CACNA2D1: variants seen among roughly 807,000 people sequenced by gnomAD.
CACNA2D1 encodes calcium voltage-gated channel auxiliary subunit alpha2delta 1, also known as voltage-dependent calcium channel subunit alpha-2/delta-1.
A neutral mutation model predicts 171.5 loss-of-function variants in CACNA2D1; 53 were observed. The observed-to-expected ratio is 0.31, with a 90% CI of 0.25 to 0.39. The LOEUF is 0.39. Among genes scored for constraint, CACNA2D1 ranks in the 10% least tolerant of loss-of-function variants. The pLI, the probability that CACNA2D1 is intolerant of heterozygous loss-of-function variation, is 1.00. For missense variants in CACNA2D1, 903 were observed against 1,299.8 expected (o/e 0.69, Z 4.69); for synonymous variants, 442 against 443.1 (o/e 1.00, Z 0.03).
At chr7:82,033,567 T>A (rs1802966920) in intron 11 of CACNA2D1, among the ~76,000 whole-genome samples, 2 of 152,066 alleles carry the variant, frequency 1.3e-5, no homozygotes, top group South Asian at 4.1e-4. Context: ...ATCCTAACAC[T>A]GGTCACCTAA....
At chr7:82,390,463 T>G (rs1227961179) in intron 1 of CACNA2D1, among the ~76,000 whole-genome samples, 3 of 152,118 alleles carry the variant, frequency 2.0e-5, no homozygotes, top group Non-Finnish European at 2.9e-5. Flanking sequence ...GGAGTTGAAA[T>G]AGGGTTGAAG....
At chr7:82,251,909 C>A (rs1048578607) in intron 3 of CACNA2D1, among the ~76,000 whole-genome samples, 2 of 152,022 alleles carry the variant, frequency 1.3e-5, no homozygotes, top group African/African-American at 4.8e-5. Flanking sequence ...AGTTATGAGT[C>A]GCAGAACTAC....
chr7:82,053,617 A>G lies in CACNA2D1; in HGVS notation c.879+6811T>C, dbSNP rs1053724385. 2.6e-5 allele frequency among the ~76,000 whole-genome samples: 4 copies of G among 152,300 alleles called. No homozygotes were observed. The East Asian group carries it at 7.7e-4, about 29-fold the overall frequency. ...ACTAGGAGCTGGGACCAGTAATACC[A>G]GGAGCTGAAACCAGTAATACGTATC... On this transcript the variant is annotated intron_variant, in intron 10 of 38. Coordinates refer to ENST00000356860, the MANE Select transcript of CACNA2D1 (RefSeq NM_000722.4).
chr7:82,103,791 C>T (rs1812982961), intron 6 of CACNA2D1, among the ~76,000 whole-genome samples: 1 of 152,004 alleles, frequency 6.6e-6, no homozygotes, highest in African/African-American at 2.4e-5. Flanking sequence ...TTTAACTCCC[C>T]AACCCGAATA....
intron 38 of CACNA2D1, among the ~76,000 whole-genome samples, chr7:81,952,684 G>A (rs1270964862): frequency 1.3e-5 from 2 of 151,950 alleles, no homozygotes; most frequent in Non-Finnish European, 2.9e-5. Flanking sequence ...TCTCTAAAAT[G>A]TTAGACTTTT....
At chr7:82,208,391 T>C (rs192692053) in intron 3 of CACNA2D1, among the ~76,000 whole-genome samples, 7 of 152,220 alleles carry the variant, frequency 4.6e-5, no homozygotes, top group African/African-American at 1.7e-4. Flanking sequence ...TCAGGCTGAT[T>C]GTTCAATTTA....
chr7:81,971,791 A>C lies in CACNA2D1; in HGVS notation c.2127T>G (p.Ser709Arg). Residue 709 changes from serine (S) to arginine (R), a missense_variant, in exon 26 of 39, where the codon AGT (serine) becomes AGG (arginine). Around this residue, in one of 5 missense-constraint regions of CACNA2D1, gnomAD observed 623 missense variants for 925.5 expected, o/e 0.67. Transcript: ENST00000356860. The stretch of plus-strand genomic sequence containing the variant: ...CAAATACTTACATATTTTTCTGCTT[A>C]CTCCAGTAATTTTGGACAAGTTCAT... The part of the protein sequence containing the change: ...FTNELVQNYW[S>R]KQKNIKGVKA... 1 of 1,585,422 alleles carries C rather than the reference A, an allele frequency of 6.3e-7. No individual in the cohort carries two copies. The highest frequency in any genetic ancestry group is 8.7e-7 in the Non-Finnish European group (1 of 1,154,770).
At chr7:82,127,262 A>C (rs2129064435) in intron 5 of CACNA2D1, among the ~76,000 whole-genome samples, 1 of 152,364 alleles carries the variant, frequency 6.6e-6, no homozygotes, top group Non-Finnish European at 1.5e-5. Flanking sequence ...GAAATTAAGG[A>C]AGCAAATGTC....
At chr7:82,371,715 T>C (rs1056241801) in intron 1 of CACNA2D1, among the ~76,000 whole-genome samples, 4 of 152,072 alleles carry the variant, frequency 2.6e-5, no homozygotes, top group Non-Finnish European at 4.4e-5. Flanking sequence ...GCTGGGACTA[T>C]AGGCGCACAC....
At chr7:82,158,286 T>C (rs1023453382) in intron 4 of CACNA2D1, among the ~76,000 whole-genome samples, 8 of 151,936 alleles carry the variant, frequency 5.3e-5, no homozygotes, top group African/African-American at 1.9e-4. Context: ...CCTTACTTAA[T>C]AGTTCATATG....
chr7:82,224,405 G>A (rs1397784399), intron 3 of CACNA2D1, among the ~76,000 whole-genome samples: 1 of 151,988 alleles, frequency 6.6e-6, no homozygotes, highest in African/African-American at 2.4e-5. Flanking sequence ...GGCCAACATG[G>A]TGAAACTTCG....
intron 36 of CACNA2D1, 25 bp from the exon 37 acceptor site, chr7:81,959,854 G>A (rs751128647): frequency 5.0e-6 from 8 of 1,605,726 alleles, no homozygotes; most frequent in Non-Finnish European, 6.8e-6. Flanking sequence ...TGGTATCATA[G>A]AAAATGAGTA....
intron 5 of CACNA2D1, among the ~76,000 whole-genome samples, chr7:82,120,992 C>G (rs1789672517): frequency 6.6e-6 from 1 of 151,990 alleles, no homozygotes; most frequent in Non-Finnish European, 1.5e-5. Flanking sequence ...TCCTGTGCTG[C>G]TCTGCTAATT....
intron 1 of CACNA2D1, among the ~76,000 whole-genome samples, chr7:82,379,874 C>A (rs994807590): frequency 6.6e-6 from 1 of 152,124 alleles, no homozygotes; most frequent in African/African-American, 2.4e-5. Context: ...TACCCTTCCT[C>A]CAATCTTTGT....
At chr7:82,397,434 C>T (rs1173701870) in intron 1 of CACNA2D1, among the ~76,000 whole-genome samples, 3 of 151,784 alleles carry the variant, frequency 2.0e-5, no homozygotes, top group Non-Finnish European at 4.4e-5. Flanking sequence ...TTTGAATATA[C>T]TTATCTAACA....
intron 7 of CACNA2D1, among the ~76,000 whole-genome samples, chr7:82,078,438 C>T (rs2129002322): frequency 6.6e-6 from 1 of 152,172 alleles, no homozygotes; most frequent in East Asian, 1.9e-4. Context: ...TTTTATGATG[C>T]ATAAGAATTC....
intron 10 of CACNA2D1, among the ~76,000 whole-genome samples, 198 bp from the exon 11 acceptor site, chr7:82,038,433 C>T (rs1052092489): frequency 6.6e-6 from 1 of 152,158 alleles, no homozygotes; most frequent in African/African-American, 2.4e-5. Context: ...TACTGGAACG[C>T]TGAGTCTGCT....
intron 6 of CACNA2D1, among the ~76,000 whole-genome samples, chr7:82,098,917 G>A (rs1203022154): frequency 6.6e-6 from 1 of 152,136 alleles, no homozygotes; most frequent in East Asian, 1.9e-4. Flanking sequence ...TTTTCAGTAA[G>A]ATGTAATACC....
intron 10 of CACNA2D1, among the ~76,000 whole-genome samples, chr7:82,050,162 C>G: frequency 6.6e-6 from 1 of 152,198 alleles, no homozygotes; most frequent in East Asian, 1.9e-4. Flanking sequence ...GAAATCATCT[C>G]TTACTTGCCT....
Sources: allele counts gnomAD v4.1 joint callset (sites outside exome capture counted in the v4.1 genomes callset), GRCh38; gene constraint gnomAD v4.1.1; regional missense constraint gnomAD v4.1.1; transcripts MANE v1.5; gene names NCBI Gene and HGNC (gene_info 2026-07-23, HGNC 2026-07-21).